The following NTRK2 variants were observed in gnomAD, a reference collection of about 807,000 sequenced individuals.
NTRK2 encodes BDNF/NT-3 growth factors receptor.
In NTRK2, 13 loss-of-function variants were observed where a neutral mutation model predicts 94.5. The observed-to-expected ratio is 0.14, with a 90% CI of 0.09 to 0.22. The LOEUF is 0.22. Among genes scored for constraint, NTRK2 ranks in the 10% least tolerant of loss-of-function variants. NTRK2 has a pLI of 1.00. For synonymous variants in NTRK2, 372 were observed against 407.4 expected (o/e 0.91, Z 1.05); for missense variants, 639 against 1,071.2 (o/e 0.60, Z 5.63).
At chr9:84,687,145 C>A (rs945642749) in intron 2 of NTRK2, among the ~76,000 whole-genome samples, 4 of 152,060 alleles carry the variant, frequency 2.6e-5, no homozygotes, top group Non-Finnish European at 5.9e-5. Context: ...AACTCCTGGG[C>A]TCAAGTGATT....
chr9:85,015,720 G>GT (rs1267777355), intron 17 of NTRK2, among the ~76,000 whole-genome samples: 3 of 152,292 alleles, frequency 2.0e-5, no homozygotes, highest in African/African-American at 4.8e-5. Context: ...GGAAGGGAGA[G>GT]TTTTTTCTTG....
At chr9:84,833,163 A>G (rs1419820476) in intron 12 of NTRK2, among the ~76,000 whole-genome samples, 2 of 152,088 alleles carry the variant, frequency 1.3e-5, no homozygotes, top group Admixed American at 6.5e-5. Flanking sequence ...AAAGCTCCCT[A>G]CAGGGTTCTG....
At chr9:84,693,822 C>T (rs1217915863) in intron 2 of NTRK2, among the ~76,000 whole-genome samples, 2 of 152,168 alleles carry the variant, frequency 1.3e-5, no homozygotes, top group Non-Finnish European at 2.9e-5. Context: ...TAGTCCTCAT[C>T]CTACACTACC....
chr9:84,756,133 T>A (rs1445148395), intron 12 of NTRK2, among the ~76,000 whole-genome samples: 2 of 152,218 alleles, frequency 1.3e-5, no homozygotes, highest in Non-Finnish European at 2.9e-5. Flanking sequence ...AATATCCCTA[T>A]ATGAAAATGC....
intron 12 of NTRK2, among the ~76,000 whole-genome samples, chr9:84,829,306 C>A (rs572212463): frequency 6.6e-6 from 1 of 152,028 alleles, no homozygotes; most frequent in Non-Finnish European, 1.5e-5. Context: ...GCCCAGAGAT[C>A]AATTTTCACA....
chr9:84,986,581 G>A (rs1177082755), intron 17 of NTRK2, among the ~76,000 whole-genome samples: 1 of 152,118 alleles, frequency 6.6e-6, no homozygotes, highest in Non-Finnish European at 1.5e-5. Flanking sequence ...TGGGAGTTGG[G>A]GATCCCTGCT....
chr9:84,865,471 A>G (rs1362870712), intron 13 of NTRK2, among the ~76,000 whole-genome samples: 1 of 152,082 alleles, frequency 6.6e-6, no homozygotes, highest in Non-Finnish European at 1.5e-5. Flanking sequence ...GGAAAAATGG[A>G]TCTTGGAGGT....
intron 12 of NTRK2, among the ~76,000 whole-genome samples, chr9:84,845,049 G>A (rs895769112): frequency 5.3e-5 from 8 of 152,132 alleles, no homozygotes; most frequent in African/African-American, 1.9e-4. Flanking sequence ...AAACAGTATG[G>A]CGATTCTTTA....
intron 12 of NTRK2, among the ~76,000 whole-genome samples, chr9:84,828,626 T>A (rs1337297093): frequency 6.6e-6 from 1 of 152,214 alleles, no homozygotes; most frequent in Non-Finnish European, 1.5e-5. Flanking sequence ...TAACTAAATA[T>A]GATTTTTGTT....
chr9:84,840,547 C>T (rs1389286156), intron 12 of NTRK2, among the ~76,000 whole-genome samples: 1 of 152,042 alleles, frequency 6.6e-6, no homozygotes, highest in Non-Finnish European at 1.5e-5. Context: ...AGACATCACC[C>T]CAGCCATTGT....
chr9:85,008,536 T>C (rs1831217548), intron 17 of NTRK2, among the ~76,000 whole-genome samples: 1 of 152,218 alleles, frequency 6.6e-6, no homozygotes, highest in South Asian at 2.1e-4. Context: ...GATTGGTTGC[T>C]ACCACTGAAG....
chr9:84,902,664 C>T (rs1363721188), intron 14 of NTRK2, among the ~76,000 whole-genome samples: 3 of 152,140 alleles, frequency 2.0e-5, no homozygotes, highest in Middle Eastern at 3.2e-3. Context: ...TAAGTCATTC[C>T]GGCTAACTCT....
chr9:84,953,751 T>C (rs1043449339), intron 16 of NTRK2, among the ~76,000 whole-genome samples: 2 of 152,208 alleles, frequency 1.3e-5, no homozygotes, highest in African/African-American at 4.8e-5. Flanking sequence ...CCCAGTATAA[T>C]ATTCCTCTGT....
intron 15 of NTRK2, among the ~76,000 whole-genome samples, chr9:84,943,671 C>A (rs2078489992): frequency 6.6e-6 from 1 of 152,184 alleles, no homozygotes; most frequent in Non-Finnish European, 1.5e-5. Flanking sequence ...GTGAGGGAAG[C>A]TGCCACCCGA....
chr9:84,813,247 G>C, intron 12 of NTRK2: 4 of 1,048,060 alleles, frequency 3.8e-6, no homozygotes, highest in African/African-American at 3.3e-5. Context: ...AGGGGCCACT[G>C]TCCCCAGCCG....
At chr9:84,965,994 C>T (rs1018628837) in intron 17 of NTRK2, among the ~76,000 whole-genome samples, 33 of 152,208 alleles carry the variant, frequency 2.2e-4, no homozygotes, top group African/African-American at 7.5e-4. Flanking sequence ...CAGGGTTTCT[C>T]TTTCTGCAGA....
intron 6 of NTRK2, among the ~76,000 whole-genome samples, chr9:84,712,828 G>T (rs1038476951): frequency 6.6e-6 from 1 of 152,164 alleles, no homozygotes; most frequent in African/African-American, 2.4e-5. Context: ...TAACCATTAC[G>T]TGAAATTCAT....
chr9:84,742,789 G>GT (rs757253032), intron 10 of NTRK2, among the ~76,000 whole-genome samples: 18,413 of 102,944 alleles, frequency 0.18, 3,157 homozygotes, highest in Non-Finnish European at 0.2. Flanking sequence ...CATTATATTA[G>GT]TTTTTTTTTT....
At chr9:84,852,673 A>G (rs898185415) in intron 12 of NTRK2, among the ~76,000 whole-genome samples, 73 of 152,228 alleles carry the variant, frequency 4.8e-4, no homozygotes, top group African/African-American at 1.7e-3. Context: ...TGTTGTATGT[A>G]GTTTAATTGG....
Sources: gnomAD v4.1 joint callset for allele counts (sites outside exome capture counted in the v4.1 genomes callset) on GRCh38, gnomAD v4.1.1 for gene constraint, MANE v1.5 for transcripts, NCBI Gene and HGNC (gene_info 2026-07-23, HGNC 2026-07-21) for gene names.